HERC2: variants seen among roughly 807,000 people sequenced by gnomAD.
HERC2 encodes E3 ubiquitin-protein ligase HERC2.
A neutral mutation model predicts 537.7 loss-of-function variants in HERC2; 102 were observed. That is an observed-to-expected ratio of 0.19 (90% CI 0.16 to 0.22). HERC2 has a LOEUF of 0.22. Ranked by LOEUF, HERC2 falls within the 10% of genes least tolerant of loss-of-function variation. The pLI, the probability that HERC2 is intolerant of heterozygous loss-of-function variation, is 1.00. For missense variants in HERC2, 4,236 were observed against 6,198.2 expected (o/e 0.68, Z 10.63); for synonymous variants, 2,224 against 2,466.2 (o/e 0.90, Z 2.91).
At chr15:28,156,852 A>G (rs1893064823) in intron 69 of HERC2, among the ~76,000 whole-genome samples, 1 of 152,186 alleles carries the variant, frequency 6.6e-6, no homozygotes, top group African/African-American at 2.4e-5. Context: ...GAATGCTTCC[A>G]GTGTTTGCCC....
At chr15:28,159,237 G>T (rs983665490) in intron 69 of HERC2, among the ~76,000 whole-genome samples, 2 of 152,008 alleles carry the variant, frequency 1.3e-5, no homozygotes, top group African/African-American at 4.8e-5. Flanking sequence ...TTCTCGAGGA[G>T]TATCTTTGTG....
At chr15:28,195,394 G>A (rs993855410) in intron 52 of HERC2, among the ~76,000 whole-genome samples, 1 of 151,742 alleles carries the variant, frequency 6.6e-6, no homozygotes, top group Admixed American at 6.6e-5. Context: ...CTAGGAGGCG[G>A]AGGTTGCACT....
At chr15:28,201,941 G>C (rs577233212) in intron 47 of HERC2, among the ~76,000 whole-genome samples, 172 bp downstream of exon 47, 3 of 151,208 alleles carry the variant, frequency 2.0e-5, no homozygotes, top group Non-Finnish European at 4.4e-5. Flanking sequence ...CCCTTCAGTA[G>C]TGAAACACAG....
At chr15:28,298,513 T>C (rs2076532567) in intron 3 of HERC2, 1 of 151,608 alleles carries the variant, frequency 6.6e-6, no homozygotes, top group South Asian at 2.1e-4. Context: ...GAAGAAATAC[T>C]TGCCAGGCAC....
At chr15:28,255,776 T>G (rs773395706) in intron 19 of HERC2, 96 bp downstream of exon 19, 4 of 1,324,142 alleles carry the variant, frequency 3.0e-6, no homozygotes, top group Non-Finnish European at 4.1e-6. Flanking sequence ...GATAAAAGTT[T>G]AGAGTTTTAC....
At chr15:28,257,035 G>A (rs750987973) in intron 17 of HERC2, 26 bp downstream of exon 17, 25 of 1,588,160 alleles carry the variant, frequency 1.6e-5, no homozygotes, top group East Asian at 1.3e-4. Flanking sequence ...TACAAAAGGA[G>A]GAAGAAGAAG....
intron 86 of HERC2, among the ~76,000 whole-genome samples, chr15:28,120,623 G>A (rs1050028662): frequency 9.2e-5 from 14 of 152,218 alleles, no homozygotes; most frequent in Admixed American, 3.3e-4. Flanking sequence ...CCATGAGACA[G>A]TATTAGTAAT....
At chr15:28,194,255 C>T (rs188718550) in intron 52 of HERC2, among the ~76,000 whole-genome samples, 5,488 of 147,434 alleles carry the variant, frequency 0.037, 326 homozygotes, top group African/African-American at 0.13. Context: ...TTAGTACAGA[C>T]GGGGTTTCAC....
intron 85 of HERC2, 60 bp downstream of exon 85, chr15:28,123,977 T>C (rs1284376960): frequency 1.6e-5 from 21 of 1,340,056 alleles, no homozygotes; most frequent in Admixed American, 2.5e-5. Flanking sequence ...AGGAATTCTA[T>C]TGGGTTACAT....
At chr15:28,313,616 C>G (rs2077004090) in intron 2 of HERC2, among the ~76,000 whole-genome samples, 1 of 152,202 alleles carries the variant, frequency 6.6e-6, no homozygotes, top group Non-Finnish European at 1.5e-5. Flanking sequence ...GAAAAGTAAT[C>G]TTCAAATATT....
rs151333414 is a variant in HERC2, at chr15:28,289,593, G to A, written c.322+3295C>T. 6.7e-3 allele frequency among the ~76,000 whole-genome samples: 1,023 copies of A among 151,598 alleles called. 7 individuals are homozygous for A. Among genetic ancestry groups the A allele is most frequent in the African/African-American group, 0.021 (853 of 41,524 alleles). The stretch of plus-strand genomic sequence containing the variant: ...TCGCTGGAGCTGATCTCCCCAGAAC[G>A]CTGAGACTGGCTTCTCTATAAATAA... On this transcript the variant is annotated intron_variant, in intron 4 of 92. Coordinates refer to ENST00000261609, the MANE Select transcript of HERC2 (RefSeq NM_004667.6).
At chr15:28,225,696 C>CAAAAAAAAAAAAAAAA (rs35629645) in intron 35 of HERC2, among the ~76,000 whole-genome samples, 6 of 58,778 alleles carry the variant, frequency 1.0e-4, no homozygotes, top group Non-Finnish European at 1.2e-4. Flanking sequence ...GACTCCGTCT[C>CAAAAAAAAAAAAAAAA]AAAAAAAAAA....
chr15:28,253,479 A>T (rs911782813), intron 20 of HERC2, among the ~76,000 whole-genome samples: 9 of 152,194 alleles, frequency 5.9e-5, no homozygotes, highest in Non-Finnish European at 1.2e-4. Flanking sequence ...ATTTCTCTTC[A>T]GTGAAAAACT....
chr15:28,257,279 A>G lies in HERC2; in HGVS notation c.2317-18T>C. 9 of 1,608,794 alleles carry G rather than the reference A, an allele frequency of 5.6e-6. No homozygotes were observed. The highest frequency in any genetic ancestry group is 7.7e-6 in the Non-Finnish European group (9 of 1,175,880). ...GCAAAGCTCTAAGAGGAAACGCAAC[A>G]ATCTAAAATGAATCTCCAAATGCAG... On this transcript the variant is annotated intron_variant, in intron 16 of 92. Coordinates refer to ENST00000261609, the MANE Select transcript of HERC2 (RefSeq NM_004667.6).
At chr15:28,203,944 C>T (rs1277601205) in intron 45 of HERC2, 1 of 151,958 alleles carries the variant, frequency 6.6e-6, no homozygotes, top group African/African-American at 2.4e-5. Flanking sequence ...AATGTCAAGG[C>T]TTCCAGTGAC....
chr15:28,271,491 A>C (rs2075727006), intron 9 of HERC2, among the ~76,000 whole-genome samples: 1 of 151,976 alleles, frequency 6.6e-6, no homozygotes, highest in Non-Finnish European at 1.5e-5. Context: ...ACATGGTGAA[A>C]CCCCATCTTT....
chr15:28,265,224 A>C lies in HERC2; in HGVS notation c.1870+394T>G, dbSNP rs929890394. ...CTTAGGAACACAAACATAAAACCAAAATTCAAAGCAAGCAGATACCGTAGC... is the reference window on the plus strand; with the variant it reads ...CTTAGGAACACAAACATAAAACCAACATTCAAAGCAAGCAGATACCGTAGC... On this transcript the variant is annotated intron_variant, in intron 14 of 92. Transcript: ENST00000261609. The surrounding 1 kb of genome is among the most constrained non-coding windows in gnomAD (Gnocchi z 4.0). Among the ~76,000 whole-genome samples, 1 of 152,116 alleles carries C rather than the reference A, an allele frequency of 6.6e-6. No individual in the cohort carries two copies. The highest frequency in any genetic ancestry group is 6.5e-5 in the Admixed American group (1 of 15,268).
intron 69 of HERC2, among the ~76,000 whole-genome samples, chr15:28,162,528 CAT>C (rs1261957690): frequency 6.6e-6 from 1 of 151,998 alleles, no homozygotes; most frequent in African/African-American, 2.4e-5. Flanking sequence ...AACTGTAAGA[CAT>C]ATGATAGAAA....
At chr15:28,173,520 C>A (rs1268270181) in intron 65 of HERC2, among the ~76,000 whole-genome samples, 1 of 152,098 alleles carries the variant, frequency 6.6e-6, no homozygotes, top group Non-Finnish European at 1.5e-5. Flanking sequence ...GCAAACTGGT[C>A]TGCCACGGTG....
Sources: gnomAD v4.1 joint callset for allele counts (sites outside exome capture counted in the v4.1 genomes callset) on GRCh38, gnomAD v4.1.1 for gene constraint, Gnocchi (gnomAD v3.1) non-coding constraint, MANE v1.5 for transcripts, NCBI Gene and HGNC (gene_info 2026-07-23, HGNC 2026-07-21) for gene names.